The following MRPL30 variants were observed in gnomAD, a reference collection of about 807,000 sequenced individuals.
MRPL30 encodes the protein large ribosomal subunit protein uL30m.
In MRPL30, 10 loss-of-function variants were observed where a neutral mutation model predicts 17.2. That is an observed-to-expected ratio of 0.58 (90% confidence interval 0.36 to 0.99). The LOEUF is 0.99. Ranked by LOEUF, MRPL30 falls within the 50% of genes least tolerant of loss-of-function variation. The pLI, the probability that MRPL30 is intolerant of heterozygous loss-of-function variation, is 0.01. For missense variants in MRPL30, 170 were observed against 189.8 expected (o/e 0.90, Z 0.61); for synonymous variants, 61 against 62.1 (o/e 0.98, Z 0.08).
rs1172483344 is a variant in MRPL30, at chr2:99,198,786, G to A, written c.*3081G>A. On this transcript the variant is annotated 3_prime_UTR_variant, in exon 6 of 6. Coordinates refer to ENST00000338148, the MANE Select transcript of MRPL30 (RefSeq NM_145212.4). The stretch of plus-strand genomic sequence containing the variant: ...GTGTCTTTGAGGATTGCTTTGTTTA[G>A]TGTCACCTGCCTTCTTTCAGGAGGT... 6.6e-6 allele frequency among the ~76,000 whole-genome samples: 1 copy of A among 152,120 alleles called. No individual in the cohort carries two copies. The highest frequency in any genetic ancestry group is 2.4e-5 in the African/African-American group (1 of 41,398).
At chr2:99,189,989 G>A (rs1409465046) in intron 3 of MRPL30, among the ~76,000 whole-genome samples, 1 of 151,176 alleles carries the variant, frequency 6.6e-6, no homozygotes, top group African/African-American at 2.4e-5. Context: ...GATGGGTGTT[G>A]TGGTACACAC....
chr2:99,182,021 G>C (rs963639044), intron 1 of MRPL30, among the ~76,000 whole-genome samples: 1 of 152,030 alleles, frequency 6.6e-6, no homozygotes, highest in African/African-American at 2.4e-5. Context: ...CGGTCGCTGG[G>C]GGGGAGAAGG....
chr2:99,188,447 G>A (rs2093938054), intron 3 of MRPL30, among the ~76,000 whole-genome samples, 190 bp downstream of exon 3: 1 of 152,116 alleles, frequency 6.6e-6, no homozygotes, highest in Non-Finnish European at 1.5e-5. Context: ...TGTCACTTGT[G>A]TCACTGGCCT....
chr2:99,189,366 A>G (rs1434922851), intron 3 of MRPL30, among the ~76,000 whole-genome samples: 2 of 152,200 alleles, frequency 1.3e-5, no homozygotes, highest in African/African-American at 2.4e-5. Flanking sequence ...TGCCTTTTCT[A>G]GAATGTAATA....
intron 2 of MRPL30, 90 bp from the exon 3 acceptor site, chr2:99,188,087 G>T (rs1391586394): frequency 2.0e-5 from 18 of 911,432 alleles, no homozygotes; most frequent in Non-Finnish European, 3.0e-5. Context: ...AGGGTAGGTT[G>T]GAACAGACTT....
chr2:99,182,140 A>G (rs1420922348), intron 1 of MRPL30, among the ~76,000 whole-genome samples: 1 of 152,214 alleles, frequency 6.6e-6, no homozygotes, highest in Non-Finnish European at 1.5e-5. Context: ...TTAAAAAAAT[A>G]GAAATGGGAT....
At chr2:99,191,009 CTTTTT>C (rs751744932) in intron 3 of MRPL30, among the ~76,000 whole-genome samples, 1 of 143,942 alleles carries the variant, frequency 6.9e-6, no homozygotes. Flanking sequence ...CCCTGACTAT[CTTTTT>C]TTTTTTTTTT....
intron 3 of MRPL30, among the ~76,000 whole-genome samples, chr2:99,192,875 C>G (rs2093949300): frequency 1.3e-5 from 2 of 152,260 alleles, no homozygotes; most frequent in South Asian, 4.1e-4. Flanking sequence ...ATAAAAACCT[C>G]AGAAGAAAAC....
At chr2:99,183,611 C>T (rs1334733832) in intron 1 of MRPL30, among the ~76,000 whole-genome samples, 1 of 151,390 alleles carries the variant, frequency 6.6e-6, no homozygotes, top group Non-Finnish European at 1.5e-5. Flanking sequence ...TCAAAATGGA[C>T]AAGCATTGGA....
chr2:99,195,136 CAAG>C lies in MRPL30; in HGVS notation c.303_305del (p.Lys101del). The C allele has an allele frequency of 1.2e-6, 2 of 1,602,140 alleles. No individual in the cohort carries two copies. The highest frequency in any genetic ancestry group is 2.3e-5 in the South Asian group (2 of 87,758). ...CACAGGCACATACCCCTCAAGTTCA[CAAG>C]AATATCCCTTCAGTGAATGCAAAAT... On this transcript the variant is annotated inframe_deletion, in exon 5 of 6. Coordinates refer to ENST00000338148, the MANE Select transcript of MRPL30 (RefSeq NM_145212.4).
chr2:99,193,765 G>A (rs1030311992), intron 3 of MRPL30, among the ~76,000 whole-genome samples: 9 of 152,068 alleles, frequency 5.9e-5, no homozygotes, highest in Non-Finnish European at 1.2e-4. Flanking sequence ...TGCGCCAGGC[G>A]TGGTGGTTCA....
chr2:99,183,992 T>G (rs2093930058), intron 1 of MRPL30, among the ~76,000 whole-genome samples: 1 of 152,230 alleles, frequency 6.6e-6, no homozygotes, highest in South Asian at 2.1e-4. Flanking sequence ...TGGAAGAGAG[T>G]ACCTACATAA....
intron 2 of MRPL30, 31 bp from the exon 3 acceptor site, chr2:99,188,146 T>TA: frequency 6.6e-7 from 1 of 1,518,558 alleles, no homozygotes; most frequent in Non-Finnish European, 8.9e-7. Flanking sequence ...GACAGAATTC[T>TA]AAAAAACAAA....
Position 99,194,934 on chromosome 2 carries a change from C to G in MRPL30, c.279+37C>G, listed in dbSNP as rs777623612. 18 of 1,507,716 alleles carry G rather than the reference C, an allele frequency of 1.2e-5. No individual in the cohort carries two copies. The African/African-American group carries it at 2.3e-4, about 19-fold the overall frequency. The allele number at this position is 1,507,716 out of a possible 1,614,324, so 93.4% of individuals were successfully genotyped here. On this transcript the variant is annotated intron_variant, in intron 4 of 5. Transcript: ENST00000338148. ...TTTTAATCATCTTTAGTGTTGTTTA[C>G]ATTGCTTTAAATTTTATACTTTTAA...
intron 3 of MRPL30, among the ~76,000 whole-genome samples, chr2:99,188,674 A>G (rs1229518235): frequency 6.6e-6 from 1 of 152,172 alleles, no homozygotes; most frequent in Non-Finnish European, 1.5e-5. Flanking sequence ...TCTTTTAGAT[A>G]ATATTGACTA....
intron 1 of MRPL30, among the ~76,000 whole-genome samples, chr2:99,184,934 AG>A (rs2105241904): frequency 6.6e-6 from 1 of 152,300 alleles, no homozygotes; most frequent in East Asian, 1.9e-4. Context: ...AGCCTATTTT[AG>A]TGTGTTAGAG....
chr2:99,185,756 CT>C (rs1308843576), intron 1 of MRPL30: 1 of 444,112 alleles, frequency 2.3e-6, no homozygotes, highest in East Asian at 7.1e-5. Context: ...AGTTATTGAA[CT>C]TTCTGGAATT....
At chr2:99,182,612 C>T (rs1338014755) in intron 1 of MRPL30, among the ~76,000 whole-genome samples, 1 of 152,208 alleles carries the variant, frequency 6.6e-6, no homozygotes. Flanking sequence ...GTGACACACA[C>T]CTAGCTCCAA....
intron 2 of MRPL30, 66 bp from the exon 3 acceptor site, chr2:99,188,111 A>T (rs2093937221): frequency 1.7e-6 from 2 of 1,188,186 alleles, no homozygotes; most frequent in Admixed American, 2.7e-5. Flanking sequence ...TTACCTAAAG[A>T]TTGGTGGGTA....
Sources: gnomAD v4.1 joint callset for allele counts (sites outside exome capture counted in the v4.1 genomes callset) on GRCh38, gnomAD v4.1.1 for gene constraint, MANE v1.5 for transcripts, NCBI Gene and HGNC (gene_info 2026-07-23, HGNC 2026-07-21) for gene names.